EPB41L4B: variants seen among roughly 807,000 people sequenced by gnomAD.
The protein encoded by EPB41L4B is band 4.1-like protein 4B.
A neutral mutation model predicts 112.5 loss-of-function variants in EPB41L4B; 30 were observed. That is an observed-to-expected ratio of 0.27 (90% CI 0.20 to 0.36). The LOEUF (loss-of-function observed/expected upper bound fraction) is 0.36, where lower values mean the gene tolerates loss of function less well. Among genes scored for constraint, EPB41L4B ranks in the 10% least tolerant of loss-of-function variants. The pLI is 1.00. For synonymous variants in EPB41L4B, 408 were observed against 439.7 expected, an observed-to-expected ratio of 0.93 and a Z score of 0.90; for missense variants, 1,024 against 1,133.3, an observed-to-expected ratio of 0.90 and a Z score of 1.38.
At chr9:109,312,669 T>C (rs1837461549) in intron 1 of EPB41L4B, among the ~76,000 whole-genome samples, 1 of 152,180 alleles carries the variant, frequency 6.6e-6, no homozygotes, top group African/African-American at 2.4e-5. Context: ...ACAGTAACCA[T>C]CAACACAGTT....
intron 1 of EPB41L4B, among the ~76,000 whole-genome samples, chr9:109,299,669 A>G (rs868731089): frequency 4.6e-4 from 70 of 152,296 alleles, no homozygotes; most frequent in African/African-American, 1.7e-3. Flanking sequence ...TCAAAGAATT[A>G]CCACAAGTGA....
At chr9:109,296,824 G>A (rs1376527558) in intron 1 of EPB41L4B, among the ~76,000 whole-genome samples, 1 of 151,068 alleles carries the variant, frequency 6.6e-6, no homozygotes, top group East Asian at 1.9e-4. Context: ...AGGAGTTTGA[G>A]GCTGCAGTAA....
At chr9:109,220,951 G>T (rs1313364666) in intron 15 of EPB41L4B, among the ~76,000 whole-genome samples, 2 of 152,270 alleles carry the variant, frequency 1.3e-5, no homozygotes, top group East Asian at 3.9e-4. Context: ...GAAAAACCTG[G>T]GCTCAAGTCT....
chr9:109,286,217 A>G (rs1263990001), intron 1 of EPB41L4B, among the ~76,000 whole-genome samples: 5 of 148,658 alleles, frequency 3.4e-5, no homozygotes, highest in African/African-American at 5.2e-5. Flanking sequence ...GGATGGATGG[A>G]TGGGTGGATG....
intron 17 of EPB41L4B, among the ~76,000 whole-genome samples, chr9:109,209,229 G>A (rs1833079122): frequency 6.6e-6 from 1 of 152,088 alleles, no homozygotes; most frequent in Non-Finnish European, 1.5e-5. Context: ...AAATGAGGTA[G>A]AGTTTCCCAG....
intron 18 of EPB41L4B, among the ~76,000 whole-genome samples, chr9:109,205,470 C>A (rs961606851): frequency 2.0e-5 from 3 of 152,210 alleles, no homozygotes; most frequent in African/African-American, 7.2e-5. Flanking sequence ...TAGATAATTA[C>A]AGCTTTGTAA....
intron 6 of EPB41L4B, among the ~76,000 whole-genome samples, chr9:109,260,477 C>A (rs1174225587): frequency 7.1e-6 from 1 of 140,484 alleles, no homozygotes; most frequent in Non-Finnish European, 1.5e-5. Flanking sequence ...TGCAGTAATG[C>A]AATCTTGGCT....
In EPB41L4B at chr9:109,203,663, C is replaced by T; in HGVS notation, c.1946G>A (p.Arg649Lys). The T allele has an allele frequency of 1.2e-6, 2 of 1,611,484 alleles. No individual in the cohort carries two copies. Among genetic ancestry groups the T allele is most frequent in the Non-Finnish European group, 1.7e-6 (2 of 1,177,700 alleles). The change falls in exon 19 of 26, where the codon AGA becomes AAA. Residue 649 changes from arginine to lysine, a missense_variant and splice_region_variant. Transcript: ENST00000374566. ...KKSSLQDASVRSPIPIRVETA... is the reference protein window; with the variant it reads ...KKSSLQDASVKSPIPIRVETA... Reference sequence around the variant, plus strand: ...CCCATTCAGACAAGGAGCAACAGACCTTACACTAGCGTCCTGAAGACTGGA... The same window carrying T: ...CCCATTCAGACAAGGAGCAACAGACTTTACACTAGCGTCCTGAAGACTGGA...
chr9:109,175,293 A>T (rs964541466), intron 25 of EPB41L4B, among the ~76,000 whole-genome samples: 1 of 152,046 alleles, frequency 6.6e-6, no homozygotes, highest in Non-Finnish European at 1.5e-5. Context: ...TTTCATGTGC[A>T]TTTTCTCCCA....
intron 22 of EPB41L4B, among the ~76,000 whole-genome samples, chr9:109,187,410 A>G (rs1162229988): frequency 1.4e-5 from 2 of 143,256 alleles, no homozygotes; most frequent in Non-Finnish European, 3.1e-5. Flanking sequence ...TAGAAATTGC[A>G]TTTGCAAAGT....
chr9:109,250,028 T>G (rs567660249), intron 13 of EPB41L4B, among the ~76,000 whole-genome samples: 1 of 151,494 alleles, frequency 6.6e-6, no homozygotes, highest in Admixed American at 6.6e-5. Flanking sequence ...GTGGGAGGAG[T>G]GGCAGAAGAG....
At chr9:109,239,561 T>G (rs928759145) in intron 15 of EPB41L4B, among the ~76,000 whole-genome samples, 1 of 151,998 alleles carries the variant, frequency 6.6e-6, no homozygotes, top group Admixed American at 6.6e-5. Context: ...CAACAGGTAA[T>G]AGGATGGCAG....
chr9:109,225,533 G>C (rs763798308), intron 15 of EPB41L4B, among the ~76,000 whole-genome samples: 2 of 152,182 alleles, frequency 1.3e-5, no homozygotes, highest in East Asian at 3.8e-4. Flanking sequence ...AATCTCATGA[G>C]ACTTATTCAC....
At chr9:109,220,883 G>C (rs111488430) in intron 15 of EPB41L4B, among the ~76,000 whole-genome samples, 1 of 152,176 alleles carries the variant, frequency 6.6e-6, no homozygotes, top group East Asian at 1.9e-4. Context: ...AACATAACCA[G>C]AGTATCCACC....
chr9:109,236,396 T>C (rs555839883), intron 15 of EPB41L4B, among the ~76,000 whole-genome samples: 7 of 152,088 alleles, frequency 4.6e-5, no homozygotes, highest in African/African-American at 1.7e-4. Flanking sequence ...TGTCCATCCA[T>C]TGACTTAACA....
Position 109,200,347 on chromosome 9 carries a change from C to G in EPB41L4B, c.1947-13G>C, listed in dbSNP as rs1405381546. 8 of 1,605,524 alleles carry G rather than the reference C, an allele frequency of 5.0e-6. No homozygotes were observed. Among genetic ancestry groups the G allele is most frequent in the Non-Finnish European group, 5.1e-6 (6 of 1,172,652 alleles). ...AGGAATAGGACTTCTAGAGACACAC[C>G]GAAAAACAGAACAATACCATCAAAA... is the stretch of plus-strand genomic sequence containing the variant. On this transcript the variant is annotated splice_polypyrimidine_tract_variant and intron_variant, in intron 19 of 25. Transcript: ENST00000374566.
At chr9:109,255,996 C>G in intron 9 of EPB41L4B, 140 bp downstream of exon 9, 1 of 1,135,252 alleles carries the variant, frequency 8.8e-7, no homozygotes, top group Non-Finnish European at 1.3e-6. Flanking sequence ...AGCGCAACTG[C>G]CACAGACCCA....
At chr9:109,265,551 AACACAC>A (rs10631824) in intron 4 of EPB41L4B, among the ~76,000 whole-genome samples, 16 of 150,072 alleles carry the variant, frequency 1.1e-4, no homozygotes, top group East Asian at 3.9e-4. Context: ...ACAGCACACA[AACACAC>A]ACACACACAC....
chr9:109,185,426 C>T, intron 23 of EPB41L4B, 63 bp downstream of exon 23: 7 of 1,453,002 alleles, frequency 4.8e-6, no homozygotes, highest in Non-Finnish European at 6.8e-6. Context: ...TTCCACCTCG[C>T]CTGGTGGCTC....
Sources: gnomAD v4.1 joint callset for allele counts (sites outside exome capture counted in the v4.1 genomes callset) on GRCh38, gnomAD v4.1.1 for gene constraint, MANE v1.5 for transcripts, NCBI Gene and HGNC (gene_info 2026-07-23, HGNC 2026-07-21) for gene names.